Variants in RBFOX1 observed in about 807,000 individuals in gnomAD.
RBFOX1 encodes the protein RNA binding fox-1 homolog 1, also known as RNA binding protein fox-1 homolog 1.
RBFOX1 carries 8 observed loss-of-function variants against 57.7 expected under a neutral mutation model. The observed-to-expected ratio is 0.14, with a 90% CI of 0.08 to 0.25. The LOEUF is 0.25. Among genes scored for constraint, RBFOX1 ranks in the 10% least tolerant of loss-of-function variants. The pLI is 1.00. For missense variants in RBFOX1, 611 were observed against 548.5 expected (o/e 1.11, Z -1.14); for synonymous variants, 326 against 222.4 (o/e 1.47, Z -4.15).
chr16:7,236,968 C>G (rs891837253), intron 4 of RBFOX1, among the ~76,000 whole-genome samples: 12 of 152,156 alleles, frequency 7.9e-5, no homozygotes, highest in African/African-American at 2.9e-4. Flanking sequence ...CTCTGTGTAA[C>G]TAGGATAAGC....
intron 1 of RBFOX1, among the ~76,000 whole-genome samples, chr16:6,100,659 T>C (rs751632912): frequency 2.0e-5 from 3 of 152,242 alleles, no homozygotes; most frequent in Non-Finnish European, 2.9e-5. Flanking sequence ...TTTCCATACA[T>C]TGATCTATCT....
chr16:5,501,655 C>G (rs1465862313), intron 2 of RBFOX1, among the ~76,000 whole-genome samples: 1 of 152,172 alleles, frequency 6.6e-6, no homozygotes, highest in African/African-American at 2.4e-5. Flanking sequence ...ATGATGCCGT[C>G]AAATCTCCAA....
chr16:5,857,554 G>A (rs931571102), intron 3 of RBFOX1, among the ~76,000 whole-genome samples: 17 of 152,124 alleles, frequency 1.1e-4, no homozygotes, highest in African/African-American at 4.1e-4. Context: ...CCCACCTCTG[G>A]CTGTGACAGC....
intron 4 of RBFOX1, among the ~76,000 whole-genome samples, chr16:7,432,532 T>A (rs972982627): frequency 1.3e-5 from 2 of 152,218 alleles, no homozygotes; most frequent in African/African-American, 4.8e-5. Context: ...ACATTTTTTT[T>A]ATAAAGGACC....
At chr16:7,299,695 G>A (rs1483907128) in intron 4 of RBFOX1, among the ~76,000 whole-genome samples, 1 of 152,114 alleles carries the variant, frequency 6.6e-6, no homozygotes, top group African/African-American at 2.4e-5. Context: ...AGCTCAGAGG[G>A]ACCATCAGGG....
intron 4 of RBFOX1, among the ~76,000 whole-genome samples, chr16:7,256,836 C>T (rs1250822097): frequency 6.6e-6 from 1 of 152,122 alleles, no homozygotes; most frequent in Non-Finnish European, 1.5e-5. Context: ...CACATCTTTG[C>T]CTTTGTGGAT....
At chr16:6,815,732 C>G (rs896435405) in intron 3 of RBFOX1, among the ~76,000 whole-genome samples, 1 of 152,180 alleles carries the variant, frequency 6.6e-6, no homozygotes, top group East Asian at 1.9e-4. Context: ...ACTCTTCTCT[C>G]TGGTCCCCAG....
intron 3 of RBFOX1, among the ~76,000 whole-genome samples, chr16:7,038,240 C>T (rs1026027212): frequency 3.9e-5 from 6 of 151,988 alleles, no homozygotes; most frequent in Admixed American, 1.3e-4. Context: ...TTTTAGTTAC[C>T]CAGGACATTT....
intron 1 of RBFOX1, among the ~76,000 whole-genome samples, chr16:5,306,260 T>A (rs182518397): frequency 1.3e-4 from 20 of 152,076 alleles, no homozygotes; most frequent in African/African-American, 4.6e-4. Context: ...TTCAGTGATT[T>A]GGATAACAGT....
chr16:5,860,228 G>A (rs962930405), intron 3 of RBFOX1, among the ~76,000 whole-genome samples: 3 of 152,036 alleles, frequency 2.0e-5, no homozygotes, highest in East Asian at 1.9e-4. Context: ...GATTACAGAC[G>A]CATGCCACCA....
At chr16:6,769,707 G>A (rs2077982294) in intron 3 of RBFOX1, among the ~76,000 whole-genome samples, 1 of 152,160 alleles carries the variant, frequency 6.6e-6, no homozygotes, top group East Asian at 1.9e-4. Context: ...TGTAGGATAA[G>A]CTTCTGTGGC....
intron 1 of RBFOX1, among the ~76,000 whole-genome samples, chr16:6,310,951 G>C (rs576538513): frequency 3.3e-5 from 5 of 151,610 alleles, no homozygotes; most frequent in Admixed American, 3.3e-4. Context: ...GAAACAAGTA[G>C]TGCACAGGCA....
chr16:6,661,400 T>C (rs77936912), intron 3 of RBFOX1, among the ~76,000 whole-genome samples: 5,592 of 152,186 alleles, frequency 0.037, 259 homozygotes, highest in East Asian at 0.1. Context: ...CCAGTGTGTG[T>C]GTCTGAGATT....
chr16:5,755,552 C>G lies in RBFOX1; in HGVS notation c.319-111751C>G, dbSNP rs74480631. Reference sequence around the variant, plus strand: ...GTTGGTCACAAAAGACGACCACTTCCCCATGGGCATCTATTTGATCAACTT... The same window carrying G: ...GTTGGTCACAAAAGACGACCACTTCGCCATGGGCATCTATTTGATCAACTT... On this transcript the variant is annotated intron_variant, in intron 3 of 19. Coordinates refer to the RBFOX1 transcript ENST00000641259. 5.5e-3 allele frequency among the ~76,000 whole-genome samples: 836 copies of G among 152,274 alleles called. 5 individuals are homozygous for G. The highest frequency in any genetic ancestry group is 9.3e-3 in the Non-Finnish European group (633 of 68,002).
chr16:7,071,817 C>A (rs942667553), intron 4 of RBFOX1, among the ~76,000 whole-genome samples: 1 of 152,104 alleles, frequency 6.6e-6, no homozygotes, highest in Non-Finnish European at 1.5e-5. Context: ...CTTCTACACA[C>A]ACACACCTGC....
chr16:5,922,174 A>C lies in RBFOX1; in HGVS notation c.351+54839A>C, dbSNP rs1457771952. Among the ~76,000 whole-genome samples, 3 of 151,508 alleles carry C rather than the reference A, an allele frequency of 2.0e-5. No homozygotes were observed. The South Asian group carries it at 6.3e-4, about 32-fold the overall frequency. ...AGACCCTGTCTCGACAAAGAAACAAACCCCCAAACCCTAGCTCTCTATGTG... is the reference window on the plus strand; with the variant it reads ...AGACCCTGTCTCGACAAAGAAACAACCCCCCAAACCCTAGCTCTCTATGTG... On this transcript the variant is annotated intron_variant, in intron 4 of 19. Transcript: ENST00000641259.
chr16:6,575,040 T>C (rs1600316794), intron 2 of RBFOX1, among the ~76,000 whole-genome samples: 1 of 20,634 alleles, frequency 4.8e-5, no homozygotes, highest in Admixed American at 7.9e-4. Context: ...TCCGTCTCAA[T>C]TAAAAAAAAA....
intron 1 of RBFOX1, among the ~76,000 whole-genome samples, chr16:5,413,938 C>G (rs974470426): frequency 2.6e-5 from 4 of 152,128 alleles, no homozygotes; most frequent in Non-Finnish European, 5.9e-5. Flanking sequence ...AGGCGCCTTA[C>G]GGAATCAAAT....
chr16:6,555,266 C>T lies in RBFOX1; in HGVS notation c.-63-99337C>T, dbSNP rs1338332321. ...CAAAGCCTGTCTCTTTAATTAATTT[C>T]CTTTCACCCAAATCCTATCCATTGG... On this transcript the variant is annotated intron_variant, in intron 2 of 15. Transcript: ENST00000550418. Among the ~76,000 whole-genome samples, 7 of 152,168 alleles carry T rather than the reference C, an allele frequency of 4.6e-5. No homozygotes were observed. The East Asian group carries it at 9.6e-4, about 21-fold the overall frequency.
Sources: allele counts gnomAD v4.1 joint callset (sites outside exome capture counted in the v4.1 genomes callset), GRCh38; gene constraint gnomAD v4.1.1; transcripts MANE v1.5; gene names NCBI Gene and HGNC (gene_info 2026-07-23, HGNC 2026-07-21).